EFCAB6: variants seen among roughly 807,000 people sequenced by gnomAD.
EFCAB6 encodes the protein EF-hand calcium-binding domain-containing protein 6.
A neutral mutation model predicts 169.8 loss-of-function variants in EFCAB6; 156 were observed. The observed-to-expected ratio is 0.92, with a 90% CI of 0.81 to 1.05. The LOEUF is 1.05. Ranked by LOEUF, EFCAB6 falls within the 50% of genes least tolerant of loss-of-function variation. EFCAB6 has a pLI of 0.00. For missense variants in EFCAB6, 1,800 were observed against 1,829.1 expected, an observed-to-expected ratio of 0.98 and a Z score of 0.29; for synonymous variants, 698 against 676.4, an observed-to-expected ratio of 1.03 and a Z score of -0.50.
chr22:43,677,537 T>C (rs1374758112), intron 13 of EFCAB6, among the ~76,000 whole-genome samples: 1 of 151,972 alleles, frequency 6.6e-6, no homozygotes, highest in Non-Finnish European at 1.5e-5. Context: ...TCCCAGCTAC[T>C]TGGGAGGCTG....
chr22:43,781,302 G>A (rs550250995), intron 3 of EFCAB6, among the ~76,000 whole-genome samples: 2 of 152,124 alleles, frequency 1.3e-5, no homozygotes, highest in African/African-American at 2.4e-5. Context: ...TGCAAAACAC[G>A]GAGGCAACCA....
At chr22:43,548,578 T>G in intron 27 of EFCAB6, among the ~76,000 whole-genome samples, 1 of 116,786 alleles carries the variant, frequency 8.6e-6, no homozygotes, top group East Asian at 2.6e-4. Flanking sequence ...AAAGGTCAAC[T>G]CAGTAGGAGG....
chr22:43,546,815 G>T (rs560176437), intron 27 of EFCAB6, among the ~76,000 whole-genome samples: 1 of 151,728 alleles, frequency 6.6e-6, no homozygotes, highest in African/African-American at 2.4e-5. Context: ...GGAGGTTGTG[G>T]TGAGACGAGA....
At chr22:43,810,287 T>C (rs1269460773) in intron 1 of EFCAB6, among the ~76,000 whole-genome samples, 2 of 152,210 alleles carry the variant, frequency 1.3e-5, no homozygotes, top group Non-Finnish European at 2.9e-5. Context: ...GTAGTAGTAT[T>C]AGTAGTTGCT....
At chr22:43,745,115 T>C (rs1603309957) in intron 6 of EFCAB6, among the ~76,000 whole-genome samples, 1 of 152,378 alleles carries the variant, frequency 6.6e-6, no homozygotes. Context: ...TGAGTTCAGA[T>C]GGTTCCATAA....
intron 10 of EFCAB6, among the ~76,000 whole-genome samples, chr22:43,696,549 G>A (rs1156601531): frequency 6.6e-6 from 1 of 152,156 alleles, no homozygotes; most frequent in African/African-American, 2.4e-5. Flanking sequence ...ACCCATGCAT[G>A]TGTCTATCAA....
chr22:43,640,329 C>T (rs2055713844), intron 17 of EFCAB6, among the ~76,000 whole-genome samples: 2 of 152,086 alleles, frequency 1.3e-5, no homozygotes, highest in African/African-American at 4.8e-5. Context: ...ATATTTGGTT[C>T]ATGTGTTCGA....
At chr22:43,552,853 T>C (rs943443340) in intron 27 of EFCAB6, 1 of 152,190 alleles carries the variant, frequency 6.6e-6, no homozygotes, top group African/African-American at 2.4e-5. Flanking sequence ...CCCCATAGAA[T>C]AATAAATGCA....
At chr22:43,696,516 G>T (rs137808) in intron 10 of EFCAB6, among the ~76,000 whole-genome samples, 1 of 151,988 alleles carries the variant, frequency 6.6e-6, no homozygotes, top group Non-Finnish European at 1.5e-5. Context: ...AGTATCTTCT[G>T]TAATTACCCC....
At chr22:43,776,052 G>A (rs1408981867) in intron 3 of EFCAB6, among the ~76,000 whole-genome samples, 16 of 152,256 alleles carry the variant, frequency 1.1e-4, no homozygotes, top group African/African-American at 3.9e-4. Flanking sequence ...TTTGCACACA[G>A]CAATAGATAC....
At chr22:43,724,372 T>C (rs1603282302) in intron 8 of EFCAB6, among the ~76,000 whole-genome samples, 1 of 148,230 alleles carries the variant, frequency 6.7e-6, no homozygotes, top group Non-Finnish European at 1.5e-5. Context: ...TTTTTCTTTT[T>C]TTTTTTTTTT....
At chr22:43,675,784 ATATAT>A (rs1270854292) in intron 13 of EFCAB6, among the ~76,000 whole-genome samples, 3 of 148,306 alleles carry the variant, frequency 2.0e-5, no homozygotes, top group African/African-American at 5.0e-5. Context: ...TGATGTAATT[ATATAT>A]TATAATATAA....
chr22:43,574,135 G>GAA (rs375484782), intron 26 of EFCAB6, among the ~76,000 whole-genome samples: 5 of 149,662 alleles, frequency 3.3e-5, no homozygotes, highest in East Asian at 2.0e-4. Context: ...GCAAAAGCTG[G>GAA]AAAAAAAAAA....
chr22:43,666,691 G>GTTTTTTTT lies in EFCAB6; in HGVS notation c.1983+405_1983+412dup, dbSNP rs137764. On this transcript the variant is annotated intron_variant, in intron 17 of 31. Coordinates refer to ENST00000262726, the MANE Select transcript of EFCAB6 (RefSeq NM_022785.4). ...GTTTCCCATATTTCACTGCCAGATT[G>GTTTTTTTT]TTTTTTTTTTTTTTTTTTTTTTTTC... is the stretch of plus-strand genomic sequence containing the variant. Among the ~76,000 whole-genome samples, 34 of 77,884 alleles carry GTTTTTTTT rather than the reference G, an allele frequency of 4.4e-4. 1 individual carries two copies. Among genetic ancestry groups the GTTTTTTTT allele is most frequent in the African/African-American group, 6.6e-4 (13 of 19,760 alleles). 51.1% of individuals were successfully genotyped at this position (77,884 alleles called of 152,430 possible).
intron 10 of EFCAB6, among the ~76,000 whole-genome samples, chr22:43,703,349 T>C (rs2058834812): frequency 6.6e-6 from 1 of 152,156 alleles, no homozygotes; most frequent in Non-Finnish European, 1.5e-5. Flanking sequence ...CTAGACTGAA[T>C]AATGAATATC....
In EFCAB6 at chr22:43,635,193, G is replaced by A. The variant is rs1462741623; in HGVS notation, c.2007C>T (p.Pro669=). The A allele has an allele frequency of 1.2e-6, 2 of 1,614,094 alleles. No homozygotes were observed. Among genetic ancestry groups the A allele is most frequent in the Non-Finnish European group, 1.7e-6 (2 of 1,179,972 alleles). The part of the protein sequence containing the change: ...FKKVLEDTGM[P]MDDDQYALLT... ...GCAGGGCATACTGATCATCGTCCATGGGCATCCCAGTGTCTTCCAGTACCT... is the reference window on the plus strand; with the variant it reads ...GCAGGGCATACTGATCATCGTCCATAGGCATCCCAGTGTCTTCCAGTACCT... Residue 669 remains proline (P), a synonymous_variant, in exon 18 of 32, where the codon CCC becomes CCT. Coordinates refer to ENST00000262726, the MANE Select transcript of EFCAB6 (RefSeq NM_022785.4).
At chr22:43,793,001 C>G (rs969946790) in intron 2 of EFCAB6, among the ~76,000 whole-genome samples, 3 of 152,122 alleles carry the variant, frequency 2.0e-5, no homozygotes, top group South Asian at 2.1e-4. Flanking sequence ...CAGAACCGTT[C>G]TCTTTATTTT....
chr22:43,586,271 T>C (rs772427818), intron 24 of EFCAB6, among the ~76,000 whole-genome samples: 6 of 151,654 alleles, frequency 4.0e-5, no homozygotes, highest in Non-Finnish European at 5.9e-5. Context: ...CATTAAGTTG[T>C]ATTATGTTAC....
intron 26 of EFCAB6, 69 bp from the exon 27 acceptor site, chr22:43,555,165 A>T: frequency 6.6e-7 from 1 of 1,518,944 alleles, no homozygotes; most frequent in Non-Finnish European, 9.0e-7. Flanking sequence ...TGGGCTCCTC[A>T]CCCAGGGCAA....
Sources: gnomAD v4.1 joint callset for allele counts (sites outside exome capture counted in the v4.1 genomes callset) on GRCh38, gnomAD v4.1.1 for gene constraint, MANE v1.5 for transcripts, NCBI Gene and HGNC (gene_info 2026-07-23, HGNC 2026-07-21) for gene names.